CDC25A: variants seen among roughly 807,000 people sequenced by gnomAD.
CDC25A encodes the protein cell division cycle 25A.
CDC25A carries 17 observed loss-of-function variants against 64.6 expected under a neutral mutation model. The observed-to-expected ratio is 0.26, with a 90% confidence interval of 0.18 to 0.39. The LOEUF (loss-of-function observed/expected upper bound fraction) is 0.39, where lower values mean the gene tolerates loss of function less well. Ranked by LOEUF, CDC25A falls within the 10% of genes least tolerant of loss-of-function variation. The pLI is 1.00. For synonymous variants in CDC25A, 229 were observed against 238.6 expected (o/e 0.96, Z 0.37); for missense variants, 473 against 654.8 (o/e 0.72, Z 3.03).
At chr3:48,175,049 G>A (rs939086701) in intron 8 of CDC25A, among the ~76,000 whole-genome samples, 3 of 152,178 alleles carry the variant, frequency 2.0e-5, no homozygotes, top group Non-Finnish European at 2.9e-5. Context: ...GGTGGCTCAC[G>A]CCTGTAATCC....
At chr3:48,176,555 ATAT>A (rs530185779) in intron 8 of CDC25A, among the ~76,000 whole-genome samples, 28 of 146,702 alleles carry the variant, frequency 1.9e-4, no homozygotes, top group Middle Eastern at 3.6e-3. Context: ...ATATATATAT[ATAT>A]AAAATATATA....
chr3:48,160,774 CA>C (rs1362501991), intron 13 of CDC25A, among the ~76,000 whole-genome samples: 1 of 152,100 alleles, frequency 6.6e-6, no homozygotes, highest in Non-Finnish European at 1.5e-5. Flanking sequence ...TCTTGAAGCT[CA>C]GTGGTTTGGG....
rs1559953808 is a variant in CDC25A, at chr3:48,158,359, CTTCT to C, written c.*582_*585del. On this transcript the variant is annotated 3_prime_UTR_variant, in exon 15 of 15. Transcript: ENST00000302506. Reference sequence around the variant, plus strand: ...TAACAGGTTTGCATTTTCTTACCCACTTCTTTTTTTTTTTTAAATTAAAAGCCGA... The same window carrying C: ...TAACAGGTTTGCATTTTCTTACCCACTTTTTTTTTTTAAATTAAAAGCCGA... 6.6e-6 allele frequency: 1 copy of C among 152,148 alleles called. No individual in the cohort carries two copies. The highest frequency in any genetic ancestry group is 1.5e-5 in the Non-Finnish European group (1 of 67,950). 9.4% of individuals were successfully genotyped at this position (152,148 alleles called of 1,614,324 possible). A position where few individuals can be genotyped will look rare whatever the true frequency, so the allele number is the denominator to read the frequency against.
chr3:48,158,999 G>A lies in CDC25A; in HGVS notation c.1521C>T (p.Thr507=). 1 of 1,614,174 alleles carries A rather than the reference G, an allele frequency of 6.2e-7. No individual in the cohort carries two copies. The highest frequency in any genetic ancestry group is 8.5e-7 in the Non-Finnish European group (1 of 1,180,030). ...DLKKFRTKSR[T]WAGEKSKREM... The stretch of plus-strand genomic sequence containing the variant: ...CCCTCTTGCTCTTCTCCCCTGCCCA[G>A]GTCCGGCTCTTGGTGCGGAACTTCT... Residue 507 remains threonine, a synonymous_variant, in exon 15 of 15, where the codon ACC becomes ACT. Transcript: ENST00000302506.
chr3:48,178,145 G>C (rs2032533363), intron 6 of CDC25A, among the ~76,000 whole-genome samples, 157 bp from the exon 7 acceptor site: 1 of 152,198 alleles, frequency 6.6e-6, no homozygotes, highest in African/African-American at 2.4e-5. Context: ...TGTATCCCAA[G>C]ATTATAAATG....
rs756155107 is a variant in CDC25A, at chr3:48,174,422, C to T, written c.792G>A (p.Leu264=). 66 of 1,613,536 alleles carry T rather than the reference C, an allele frequency of 4.1e-5. No individual in the cohort carries two copies. The highest frequency in any genetic ancestry group is 4.7e-5 in the Non-Finnish European group (56 of 1,179,870). ...ACACTGACCGAGTGCTGGAGCTACA[C>T]AGGGAAGGGGAGTCAAACAGCTTGC... ...NRCKLFDSPS[L]CSSSTRSVLK... is the part of the protein sequence containing the mutation. The change falls in exon 9 of 15, where the codon CTG becomes CTA. Residue 264 remains leucine (L), a synonymous_variant. Coordinates refer to ENST00000302506, the MANE Select transcript of CDC25A (RefSeq NM_001789.3).
rs1444862851 is a variant in CDC25A, at chr3:48,158,277, A to G, written c.*668T>C. On this transcript the variant is annotated 3_prime_UTR_variant, in exon 15 of 15. Transcript: ENST00000302506. ...TCTTGGCTTAAATAGCAGCAGCCCCAGTACCACAGCGCCTCCTGGGGGTGA... is the reference window on the plus strand; with the variant it reads ...TCTTGGCTTAAATAGCAGCAGCCCCGGTACCACAGCGCCTCCTGGGGGTGA... The G allele has an allele frequency of 6.6e-6, 1 of 152,608 alleles. No homozygotes were observed. Among genetic ancestry groups the G allele is most frequent in the Admixed American group, 6.5e-5 (1 of 15,272 alleles). The allele number at this position is 152,608 out of a possible 1,614,324, so 9.5% of individuals were successfully genotyped here.
chr3:48,176,289 G>T (rs1360445961), intron 8 of CDC25A, among the ~76,000 whole-genome samples: 3 of 151,992 alleles, frequency 2.0e-5, no homozygotes, highest in Non-Finnish European at 4.4e-5. Context: ...GTACCTAAGG[G>T]TGTATATCTC....
chr3:48,168,569 G>GAAA (rs1160891942), intron 9 of CDC25A, among the ~76,000 whole-genome samples: 5 of 149,108 alleles, frequency 3.4e-5, no homozygotes, highest in Non-Finnish European at 6.0e-5. Flanking sequence ...AAAAGAGAAA[G>GAAA]AAACAAGGGG....
intron 13 of CDC25A, among the ~76,000 whole-genome samples, chr3:48,162,266 TTG>T (rs35591959): frequency 0.016 from 2,386 of 144,706 alleles, 47 homozygotes; most frequent in African/African-American, 0.051. Context: ...AGTATAACCT[TTG>T]TGTGTGTGTG....
chr3:48,183,533 C>G (rs896289488), intron 4 of CDC25A, among the ~76,000 whole-genome samples: 2 of 151,982 alleles, frequency 1.3e-5, no homozygotes, highest in African/African-American at 2.4e-5. Flanking sequence ...AAAAATCAGC[C>G]GGGTGTGATG....
At chr3:48,177,756 G>C in intron 7 of CDC25A, 98 bp downstream of exon 7, 2 of 1,368,756 alleles carry the variant, frequency 1.5e-6, no homozygotes, top group Non-Finnish European at 2.1e-6. Flanking sequence ...AGCAAGCCCC[G>C]GGGAACTGCT....
intron 9 of CDC25A, among the ~76,000 whole-genome samples, chr3:48,172,387 T>C (rs1252256798): frequency 1.3e-5 from 2 of 152,352 alleles, no homozygotes; most frequent in South Asian, 2.1e-4. Context: ...TTAAACCTTT[T>C]CATGCCACAG....
chr3:48,163,728 ACT>A (rs1393181846), intron 13 of CDC25A, among the ~76,000 whole-genome samples: 1 of 152,102 alleles, frequency 6.6e-6, no homozygotes, highest in Non-Finnish European at 1.5e-5. Flanking sequence ...GTTAAGCTGC[ACT>A]CTCTGTCCTA....
At chr3:48,177,819 G>C in intron 7 of CDC25A, 35 bp downstream of exon 7, 1 of 1,517,244 alleles carries the variant, frequency 6.6e-7, no homozygotes. Context: ...TTAATTAGTA[G>C]AACAAATAGG....
intron 10 of CDC25A, 92 bp from the exon 11 acceptor site, chr3:48,165,985 T>A: frequency 1.1e-6 from 1 of 923,876 alleles, no homozygotes; most frequent in African/African-American, 1.7e-5. Context: ...AGGCATCTTT[T>A]AAAAAACAAA....
chr3:48,163,108 C>A (rs1018329619), intron 13 of CDC25A, among the ~76,000 whole-genome samples: 1 of 151,416 alleles, frequency 6.6e-6, no homozygotes, highest in Non-Finnish European at 1.5e-5. Context: ...ATGGTGAAAC[C>A]CCCATCTCTA....
chr3:48,178,310 T>C (rs779249516), intron 6 of CDC25A, among the ~76,000 whole-genome samples: 10 of 152,186 alleles, frequency 6.6e-5, no homozygotes, highest in Non-Finnish European at 1.0e-4. Flanking sequence ...CCGATCAGCA[T>C]TGAGGACTGT....
chr3:48,186,614 T>C, intron 2 of CDC25A, 89 bp downstream of exon 2: 1 of 723,536 alleles, frequency 1.4e-6, no homozygotes, highest in Non-Finnish European at 2.4e-6. Context: ...CATGACTTCC[T>C]CAAGTTCTCA....
Sources: gnomAD v4.1 joint callset for allele counts (sites outside exome capture counted in the v4.1 genomes callset) on GRCh38, gnomAD v4.1.1 for gene constraint, MANE v1.5 for transcripts, NCBI Gene and HGNC (gene_info 2026-07-23, HGNC 2026-07-21) for gene names.